The following SEMA6D variants were observed in gnomAD, a reference collection of about 807,000 sequenced individuals.
SEMA6D encodes the protein semaphorin 6D, also known as semaphorin-6D.
In SEMA6D, 35 loss-of-function variants were observed where a neutral mutation model predicts 106.6. That is an observed-to-expected ratio of 0.33 (90% CI 0.25 to 0.44). SEMA6D has a LOEUF of 0.44. Ranked by LOEUF, SEMA6D falls within the 20% of genes least tolerant of loss-of-function variation. The probability of loss-of-function intolerance (pLI) is 1.00; values close to 1 mark genes in which losing one functional copy is unlikely to be tolerated. For missense variants in SEMA6D, 1,185 were observed against 1,345.9 expected, an observed-to-expected ratio of 0.88 and a Z score of 1.87; for synonymous variants, 499 against 487.7, an observed-to-expected ratio of 1.02 and a Z score of -0.31.
At position 47,407,406 on chromosome 15, in the gene SEMA6D, C is replaced by CA. The variant is rs1231097214; in HGVS notation, c.-238-4985dup. Among the ~76,000 whole-genome samples, 382 of 105,778 alleles carry CA rather than the reference C, an allele frequency of 3.6e-3. 9 individuals carry two copies. Among genetic ancestry groups the CA allele is most frequent in the African/African-American group, 0.01 (292 of 29,194 alleles). 69.4% of individuals were successfully genotyped at this position (105,778 alleles called of 152,430 possible). On this transcript the variant is annotated intron_variant, in intron 1 of 19. Transcript: ENST00000558014. ...AAAAAAACCAAAACAACAACAACAA[C>CA]AACAAAAAAAACAAAAAAAACAAAC... is the stretch of plus-strand genomic sequence containing the variant.
intron 1 of SEMA6D, among the ~76,000 whole-genome samples, chr15:47,194,054 AGTGGGTAGGTGGATGGATGGATGG>A (rs1404749079): frequency 2.6e-5 from 4 of 151,718 alleles, no homozygotes; most frequent in Non-Finnish European, 5.9e-5. Flanking sequence ...ATATTGGGTG[AGTGGGTAGGTGGATGGATGGATGG>A]GTGGATGGGT....
At position 47,586,837 on chromosome 15, in the gene SEMA6D, C is replaced by T. The variant is rs114071952; in HGVS notation, c.-86-14028C>T. ...ATTCTGTTTCCCTACTTATTTTTTGCTAGAACTGTATTTAAATGTAGGATA... is the reference window on the plus strand; with the variant it reads ...ATTCTGTTTCCCTACTTATTTTTTGTTAGAACTGTATTTAAATGTAGGATA... On this transcript the variant is annotated intron_variant, in intron 3 of 19. Transcript: ENST00000558014. Among the ~76,000 whole-genome samples the T allele has an allele frequency of 3.8e-3, 572 of 149,648 alleles. 2 individuals carry two copies. The highest frequency in any genetic ancestry group is 0.012 in the African/African-American group (503 of 40,726).
chr15:47,313,870 C>G (rs151256213), intron 1 of SEMA6D, among the ~76,000 whole-genome samples: 120 of 152,342 alleles, frequency 7.9e-4, no homozygotes, highest in African/African-American at 2.6e-3. Context: ...GGCCCAAATT[C>G]TGGCGTTTAT....
chr15:47,590,864 A>G (rs2076425614), intron 3 of SEMA6D, among the ~76,000 whole-genome samples: 1 of 152,218 alleles, frequency 6.6e-6, no homozygotes, highest in Admixed American at 6.5e-5. Flanking sequence ...AAAAACTGTG[A>G]GGAAATAAAT....
intron 4 of SEMA6D, among the ~76,000 whole-genome samples, chr15:47,694,757 G>A (rs929625116): frequency 2.6e-5 from 4 of 152,078 alleles, no homozygotes; most frequent in African/African-American, 9.7e-5. Flanking sequence ...ATTTTTTGCA[G>A]CAGGGCACGG....
At chr15:47,666,218 C>G (rs1378550287) in intron 4 of SEMA6D, among the ~76,000 whole-genome samples, 1 of 152,208 alleles carries the variant, frequency 6.6e-6, no homozygotes, top group Non-Finnish European at 1.5e-5. Flanking sequence ...GTGTTTACAT[C>G]TTCACTGTGC....
At chr15:47,327,247 CAT>C (rs2037167679) in intron 1 of SEMA6D, among the ~76,000 whole-genome samples, 1 of 152,134 alleles carries the variant, frequency 6.6e-6, no homozygotes, top group Non-Finnish European at 1.5e-5. Flanking sequence ...ACTTCTAACT[CAT>C]AGATTTATTA....
In SEMA6D at chr15:47,572,077, G is replaced by A. The variant is rs192890039; in HGVS notation, c.-86-28788G>A. Reference sequence around the variant, plus strand: ...ACTCTAGATGAGGTTGAAAATTTCAGCCTAGGAAACACCTCCTTGATCACG... The same window carrying A: ...ACTCTAGATGAGGTTGAAAATTTCAACCTAGGAAACACCTCCTTGATCACG... On this transcript the variant is annotated intron_variant, in intron 3 of 19. Transcript: ENST00000558014. 2.3e-3 allele frequency among the ~76,000 whole-genome samples: 357 copies of A among 152,290 alleles called. 5 individuals carry two copies. The South Asian group carries it at 0.035, about 15-fold the overall frequency.
chr15:47,309,010 C>T (rs2036338215), intron 1 of SEMA6D, among the ~76,000 whole-genome samples: 1 of 152,156 alleles, frequency 6.6e-6, no homozygotes, highest in Non-Finnish European at 1.5e-5. Context: ...GTTGCGCCTC[C>T]ATTACTGTAA....
chr15:47,509,081 A>G (rs2044142631), intron 3 of SEMA6D, among the ~76,000 whole-genome samples: 1 of 151,996 alleles, frequency 6.6e-6, no homozygotes, highest in African/African-American at 2.4e-5. Flanking sequence ...ACACCTCTTG[A>G]GCTGAGAGAA....
At chr15:47,288,035 T>G (rs2035447081) in intron 1 of SEMA6D, among the ~76,000 whole-genome samples, 1 of 152,160 alleles carries the variant, frequency 6.6e-6, no homozygotes, top group Non-Finnish European at 1.5e-5. Flanking sequence ...GGGCACACAC[T>G]TTAAAATGAT....
At chr15:47,385,579 A>G (rs1409065898) in intron 1 of SEMA6D, among the ~76,000 whole-genome samples, 1 of 152,140 alleles carries the variant, frequency 6.6e-6, no homozygotes, top group Non-Finnish European at 1.5e-5. Flanking sequence ...ACGCATCTGA[A>G]CTCAAAGCGT....
chr15:47,533,991 A>T (rs748723224), intron 3 of SEMA6D, among the ~76,000 whole-genome samples: 1 of 152,172 alleles, frequency 6.6e-6, no homozygotes, highest in African/African-American at 2.4e-5. Context: ...ACTTTAACCG[A>T]GGTGCAAAGA....
chr15:47,676,486 C>A (rs887780490), intron 4 of SEMA6D, among the ~76,000 whole-genome samples: 8 of 152,316 alleles, frequency 5.3e-5, no homozygotes, highest in Non-Finnish European at 7.4e-5. Flanking sequence ...CAATTAGTGC[C>A]ATGACTACCC....
chr15:47,768,356 C>G (rs531451037), intron 17 of SEMA6D, among the ~76,000 whole-genome samples: 2 of 152,238 alleles, frequency 1.3e-5, no homozygotes, highest in African/African-American at 4.8e-5. Flanking sequence ...TTTCGAGTAT[C>G]TTTAATTTTG....
At chr15:47,306,590 C>T (rs368163348) in intron 1 of SEMA6D, among the ~76,000 whole-genome samples, 6 of 152,266 alleles carry the variant, frequency 3.9e-5, no homozygotes, top group African/African-American at 1.4e-4. Flanking sequence ...TGGCACATGC[C>T]TGTAATCCCA....
intron 2 of SEMA6D, among the ~76,000 whole-genome samples, chr15:47,438,378 A>G (rs1354765415): frequency 6.6e-6 from 1 of 152,072 alleles, no homozygotes; most frequent in Non-Finnish European, 1.5e-5. Context: ...CTTTTAAACT[A>G]TAGATCAGAT....
intron 1 of SEMA6D, among the ~76,000 whole-genome samples, chr15:47,198,264 C>A (rs1894492424): frequency 1.3e-5 from 2 of 152,026 alleles, no homozygotes; most frequent in African/African-American, 4.8e-5. Flanking sequence ...ATCCATTGTA[C>A]AAATGGTGAC....
At chr15:47,363,489 C>A (rs953486184) in intron 1 of SEMA6D, among the ~76,000 whole-genome samples, 3 of 152,098 alleles carry the variant, frequency 2.0e-5, no homozygotes, top group African/African-American at 7.2e-5. Context: ...GGGCATGGGA[C>A]CCTTCTCCGC....
Sources: allele counts gnomAD v4.1 joint callset (sites outside exome capture counted in the v4.1 genomes callset), GRCh38; gene constraint gnomAD v4.1.1; transcripts MANE v1.5; gene names NCBI Gene and HGNC (gene_info 2026-07-23, HGNC 2026-07-21).